Variants in F11R observed in about 807,000 individuals in gnomAD.
F11R encodes the protein junctional adhesion molecule A.
In F11R, 27 loss-of-function variants were observed where a neutral mutation model predicts 39.3. That is an observed-to-expected ratio of 0.69 (90% CI 0.51 to 0.95). The LOEUF is 0.95. Among genes scored for constraint, F11R ranks in the 40% least tolerant of loss-of-function variants. The probability of loss-of-function intolerance (pLI) is 0.00; values close to 1 mark genes in which losing one functional copy is unlikely to be tolerated. For synonymous variants in F11R, 131 were observed against 144.9 expected (o/e 0.90, Z 0.69); for missense variants, 335 against 372.7 (o/e 0.90, Z 0.83).
chr1:160,999,792 C>G, intron 6 of F11R, 45 bp from the exon 7 acceptor site: 1 of 1,606,796 alleles, frequency 6.2e-7, no homozygotes, highest in South Asian at 1.1e-5. Context: ...TACTCACTCA[C>G]GGCACCTACA....
chr1:161,013,641 G>A (rs893512265), intron 1 of F11R, among the ~76,000 whole-genome samples: 1 of 152,212 alleles, frequency 6.6e-6, no homozygotes, highest in Non-Finnish European at 1.5e-5. Flanking sequence ...CAAGAGGAAG[G>A]CTCTGTGAGG....
At chr1:161,002,925 C>CTTT (rs3052469) in intron 1 of F11R, among the ~76,000 whole-genome samples, 4 of 148,152 alleles carry the variant, frequency 2.7e-5, no homozygotes, top group East Asian at 2.0e-4. Context: ...CTCCTATATC[C>CTTT]TTTTTCTCTT....
chr1:161,010,442 A>AAAAAAAAAACAAAAC lies in F11R; in HGVS notation c.65-9090_65-9089insGTTTTGTTTTTTTTT, dbSNP rs1553210820. ...CTGGGTGACAGAGCGAGACTCCATC[A>AAAAAAAAAACAAAAC]AAAAAAAAAAAAAAACAGTTGATCC... On this transcript the variant is annotated intron_variant, in intron 1 of 9. Coordinates refer to ENST00000368026, the MANE Select transcript of F11R (RefSeq NM_016946.6). 2.4e-4 allele frequency among the ~76,000 whole-genome samples: 5 copies of AAAAAAAAAACAAAAC among 21,274 alleles called. 1 individual carries two copies. The highest frequency in any genetic ancestry group is 1.0e-3 in the African/African-American group (5 of 4,770). The allele number at this position is 21,274 out of a possible 152,430, so 14.0% of individuals were successfully genotyped here.
In F11R at chr1:160,998,088, G is replaced by A. The variant is rs1406295348; in HGVS notation, c.*783C>T. 1 of 152,250 alleles carries A rather than the reference G, an allele frequency of 6.6e-6. No homozygotes were observed. The highest frequency in any genetic ancestry group is 2.4e-5 in the African/African-American group (1 of 41,370). 9.4% of individuals were successfully genotyped at this position (152,250 alleles called of 1,614,324 possible). On this transcript the variant is annotated 3_prime_UTR_variant, in exon 10 of 10. Transcript: ENST00000368026. ...TTTTTAGTAGGGTTTCTCCATGTTG[G>A]TCAGGCTGATCTTGAACTCCTGACC...
At chr1:161,016,802 T>C (rs535826063) in intron 1 of F11R, among the ~76,000 whole-genome samples, 12 of 151,582 alleles carry the variant, frequency 7.9e-5, no homozygotes, top group African/African-American at 2.9e-4. Flanking sequence ...CTCCTGGGAG[T>C]AGAGGGAGAG....
intron 1 of F11R, among the ~76,000 whole-genome samples, chr1:161,008,036 C>T (rs2101978771): frequency 6.6e-6 from 1 of 152,314 alleles, no homozygotes; most frequent in East Asian, 1.9e-4. Flanking sequence ...ACTGTACACA[C>T]ACATGCAAAT....
intron 1 of F11R, among the ~76,000 whole-genome samples, chr1:161,008,426 C>A: frequency 6.6e-6 from 1 of 151,846 alleles, no homozygotes. Context: ...GGCGTGAACC[C>A]GGGAGGTGGA....
chr1:161,001,067 T>G lies in F11R; in HGVS notation c.194A>C (p.Asp65Ala). ...FSSPRVEWKF[D>A]QGDTTRLVCY... is the part of the protein sequence containing the mutation. ...AACGAGTCTGGTGGTGTCTCCTTGGTCAAACTTCCACTCCACACGGGGAGA... is the reference window on the plus strand; with the variant it reads ...AACGAGTCTGGTGGTGTCTCCTTGGGCAAACTTCCACTCCACACGGGGAGA... The change falls in exon 3 of 10, where the codon GAC becomes GCC. Residue 65 changes from aspartate (D) to alanine (A), a missense_variant. By Grantham distance (126) the Asp-to-Ala change is moderately radical. Coordinates refer to ENST00000368026, the MANE Select transcript of F11R (RefSeq NM_016946.6). 6.2e-7 allele frequency: 1 copy of G among 1,614,008 alleles called. No individual in the cohort carries two copies. Among genetic ancestry groups the G allele is most frequent in the Non-Finnish European group, 8.5e-7 (1 of 1,179,992 alleles).
In F11R at chr1:160,997,395, A is replaced by G. The variant is rs1648189652; in HGVS notation, c.*1476T>C. On this transcript the variant is annotated 3_prime_UTR_variant, in exon 10 of 10. Transcript: ENST00000368026. ...TGCACCTGGCTGAACAGGAGGTACA[A>G]GAGTAAGTACCTTCTCTCACTTGGT... 6.6e-6 allele frequency: 1 copy of G among 152,382 alleles called. No homozygotes were observed. The highest frequency in any genetic ancestry group is 1.5e-5 in the Non-Finnish European group (1 of 68,068). 9.4% of individuals were successfully genotyped at this position (152,382 alleles called of 1,614,324 possible).
intron 1 of F11R, among the ~76,000 whole-genome samples, chr1:161,009,175 CT>C (rs1404407739): frequency 6.6e-6 from 1 of 152,122 alleles, no homozygotes; most frequent in Non-Finnish European, 1.5e-5. Flanking sequence ...ACATTATTTT[CT>C]GGAAAACGAC....
At chr1:161,013,841 G>A (rs1041878504) in intron 1 of F11R, among the ~76,000 whole-genome samples, 5 of 151,970 alleles carry the variant, frequency 3.3e-5, no homozygotes, top group South Asian at 4.1e-4. Context: ...CAGCTCCCCC[G>A]CCACCCCATC....
intron 1 of F11R, among the ~76,000 whole-genome samples, chr1:161,017,171 TC>T (rs1649511517): frequency 6.6e-6 from 1 of 152,162 alleles, no homozygotes; most frequent in Non-Finnish European, 1.5e-5. Context: ...CCAGGTATTG[TC>T]CAAGGTTTCT....
At chr1:161,015,815 C>T (rs1377733887) in intron 1 of F11R, among the ~76,000 whole-genome samples, 1 of 151,846 alleles carries the variant, frequency 6.6e-6, no homozygotes, top group Non-Finnish European at 1.5e-5. Context: ...AAATGAAACA[C>T]TGAAGAGACA....
At chr1:161,010,263 G>A (rs1649060009) in intron 1 of F11R, among the ~76,000 whole-genome samples, 1 of 151,954 alleles carries the variant, frequency 6.6e-6, no homozygotes, top group Non-Finnish European at 1.5e-5. Context: ...GGCCAACGTG[G>A]TGAAACCCCG....
At chr1:160,999,166 C>T in intron 8 of F11R, 75 bp from the exon 9 acceptor site, 1 of 1,597,512 alleles carries the variant, frequency 6.3e-7, no homozygotes. Flanking sequence ...ACTTTAAAGG[C>T]CAGAAGCGAG....
At chr1:161,011,946 A>T (rs1191883168) in intron 1 of F11R, among the ~76,000 whole-genome samples, 1 of 152,144 alleles carries the variant, frequency 6.6e-6, no homozygotes, top group Non-Finnish European at 1.5e-5. Context: ...ATCTTTAAAA[A>T]GTTACTCTCT....
At chr1:161,018,289 C>A (rs2101992474) in intron 1 of F11R, among the ~76,000 whole-genome samples, 1 of 152,322 alleles carries the variant, frequency 6.6e-6, no homozygotes, top group African/African-American at 2.4e-5. Flanking sequence ...CCTATCTTGC[C>A]TTTTCTACTT....
chr1:161,001,391 G>A, intron 1 of F11R, 38 bp from the exon 2 acceptor site: 1 of 1,576,582 alleles, frequency 6.3e-7, no homozygotes, highest in Non-Finnish European at 8.7e-7. Flanking sequence ...GTCAGGAGTG[G>A]ACAGAGAAAT....
At chr1:161,009,097 T>C (rs1245529465) in intron 1 of F11R, among the ~76,000 whole-genome samples, 2 of 152,222 alleles carry the variant, frequency 1.3e-5, no homozygotes, top group Non-Finnish European at 2.9e-5. Flanking sequence ...TCTCTGCCTT[T>C]GCTCATGCTA....
Sources: gnomAD v4.1 joint callset for allele counts (sites outside exome capture counted in the v4.1 genomes callset) on GRCh38, gnomAD v4.1.1 for gene constraint, MANE v1.5 for transcripts, NCBI Gene and HGNC (gene_info 2026-07-23, HGNC 2026-07-21) for gene names.